CPXM2: variants seen among roughly 807,000 people sequenced by gnomAD.
CPXM2 encodes inactive carboxypeptidase-like protein X2.
A neutral mutation model predicts 86.1 loss-of-function variants in CPXM2; 66 were observed. The ratio of observed to expected loss-of-function variants is 0.77; its 90% CI spans 0.63 to 0.94. The LOEUF (loss-of-function observed/expected upper bound fraction) is 0.94, where lower values mean the gene tolerates loss of function less well. Among genes scored for constraint, CPXM2 ranks in the 40% least tolerant of loss-of-function variants. The pLI is 0.00. For missense variants in CPXM2, 948 were observed against 1,026.3 expected (o/e 0.92, Z 1.04); for synonymous variants, 388 against 400.2 (o/e 0.97, Z 0.36).
At chr10:123,843,358 C>T (rs752447187) in intron 3 of CPXM2, 1 of 432,470 alleles carries the variant, frequency 2.3e-6, no homozygotes, top group Admixed American at 2.7e-5. Flanking sequence ...CCTCGCCTCC[C>T]AAAAAGGACA....
chr10:123,941,878 CA>C (rs1945780821), upstream of CPXM2, among the ~76,000 whole-genome samples: 1 of 152,218 alleles, frequency 6.6e-6, no homozygotes, highest in Non-Finnish European at 1.5e-5. Flanking sequence ...TGGAAACAGG[CA>C]AACCCAGAAT....
rs114499123 is a variant in CPXM2, at chr10:123,761,111, G to A, written c.1777+761C>T. ...GTGCTTGTCCTGACATGTGGACCGC[G>A]GGGCCCTCTGGCTGCTGTAAGGGAA... On this transcript the variant is annotated intron_variant, in intron 11 of 13. Coordinates refer to ENST00000241305, the MANE Select transcript of CPXM2 (RefSeq NM_198148.3). Among the ~76,000 whole-genome samples the A allele has an allele frequency of 3.6e-3, 549 of 152,288 alleles. 5 individuals are homozygous for A. The highest frequency in any genetic ancestry group is 0.013 in the African/African-American group (522 of 41,560).
chr10:123,912,797 T>C (rs1945501833), intron 2 of CPXM2, among the ~76,000 whole-genome samples: 1 of 152,204 alleles, frequency 6.6e-6, no homozygotes, highest in East Asian at 1.9e-4. Context: ...ACAACCTCAG[T>C]CCAGGCAACC....
chr10:123,943,009 T>A (rs7916080), upstream of CPXM2, among the ~76,000 whole-genome samples: 1 of 152,048 alleles, frequency 6.6e-6, no homozygotes, highest in Non-Finnish European at 1.5e-5. Flanking sequence ...TGTACAGCTG[T>A]GTAACCTAGG....
rs539485595 is a variant in CPXM2, at chr10:123,863,749, G to A, written c.404-1026C>T. The stretch of plus-strand genomic sequence containing the variant: ...CCAGAAGCCCCACCCTGCCACTCTC[G>A]TGGTCTGGCACCTCCGCAGCTTGGC... On this transcript the variant is annotated intron_variant, in intron 2 of 13. Transcript: ENST00000241305. 9.3e-4 allele frequency among the ~76,000 whole-genome samples: 141 copies of A among 152,246 alleles called. 1 individual carries two copies. Among genetic ancestry groups the A allele is most frequent in the Admixed American group, 5.1e-3 (78 of 15,288 alleles).
chr10:123,877,014 G>A (rs1268033249), intron 2 of CPXM2, among the ~76,000 whole-genome samples: 1 of 152,174 alleles, frequency 6.6e-6, no homozygotes, highest in East Asian at 1.9e-4. Flanking sequence ...CACCAACTTT[G>A]ATGCTTGTCC....
rs1217405597 is a variant in CPXM2 at position 123,923,350 on chromosome 10, G to A, written n.174+16127C>T. On this transcript the variant is annotated intron_variant and non_coding_transcript_variant, in intron 2 of 19. Coordinates refer to the CPXM2 transcript ENST00000368854. ...AATCCCAGCACTTTGGGAGGCCGAG[G>A]CGGGCGGATCACGAGGTCAGGAGAT... Among the ~76,000 whole-genome samples, 95 of 151,988 alleles carry A rather than the reference G, an allele frequency of 6.3e-4. 2 individuals are homozygous for A. The highest frequency in any genetic ancestry group is 2.1e-4 in the Non-Finnish European group (14 of 67,970).
At chr10:123,794,219 G>A (rs1029017743) in intron 6 of CPXM2, among the ~76,000 whole-genome samples, 3 of 152,144 alleles carry the variant, frequency 2.0e-5, no homozygotes, top group African/African-American at 7.2e-5. Context: ...AAGAACCCTG[G>A]ACATCTCAGT....
At chr10:123,886,141 CA>C (rs1286824164) in intron 1 of CPXM2, among the ~76,000 whole-genome samples, 2 of 152,178 alleles carry the variant, frequency 1.3e-5, no homozygotes, top group Non-Finnish European at 2.9e-5. Context: ...TTTACCTGGA[CA>C]AAACACTTTG....
intron 2 of CPXM2, among the ~76,000 whole-genome samples, chr10:123,938,073 T>C (rs919090413): frequency 1.3e-5 from 2 of 151,880 alleles, no homozygotes; most frequent in Admixed American, 6.6e-5. Context: ...TTACAAGAGA[T>C]TTCTCTCCCT....
At position 123,799,247 on chromosome 10, in the gene CPXM2, G is replaced by C. The variant is rs747929715; in HGVS notation, c.654-48C>G. 1.8e-5 allele frequency: 29 copies of C among 1,606,908 alleles called. No homozygotes were observed. The East Asian group carries it at 4.2e-4, about 23-fold the overall frequency. On this transcript the variant is annotated intron_variant, in intron 4 of 13. Transcript: ENST00000241305. The stretch of plus-strand genomic sequence containing the variant: ...TAGGACTACACACTTTAAAATGTTT[G>C]TTCTTCCATGAAGAGGTTTAGAAGT...
At chr10:123,847,121 G>A (rs1270731340) in intron 3 of CPXM2, among the ~76,000 whole-genome samples, 1 of 152,194 alleles carries the variant, frequency 6.6e-6, no homozygotes, top group Admixed American at 6.5e-5. Context: ...TGGAAGAGAG[G>A]AAAGGGGTGA....
At chr10:123,815,227 C>G (rs1258084942) in intron 4 of CPXM2, among the ~76,000 whole-genome samples, 1 of 152,130 alleles carries the variant, frequency 6.6e-6, no homozygotes, top group Admixed American at 6.5e-5. Context: ...GATTCTATCT[C>G]CCAGCTTCAC....
At chr10:123,851,703 A>G (rs1848601247) in intron 3 of CPXM2, among the ~76,000 whole-genome samples, 1 of 147,344 alleles carries the variant, frequency 6.8e-6, no homozygotes, top group African/African-American at 2.5e-5. Context: ...CGGGAGATGG[A>G]GGTTGCAGTG....
intron 2 of CPXM2, among the ~76,000 whole-genome samples, chr10:123,906,063 T>C (rs1356233271): frequency 6.6e-6 from 1 of 152,074 alleles, no homozygotes; most frequent in African/African-American, 2.4e-5. Flanking sequence ...GCACCTTTGC[T>C]CTCACATCCC....
chr10:123,753,631 G>A (rs1846130109), intron 13 of CPXM2, among the ~76,000 whole-genome samples: 1 of 152,222 alleles, frequency 6.6e-6, no homozygotes, highest in South Asian at 2.1e-4. Flanking sequence ...ATCGTGTGGG[G>A]AACAGCTCCT....
At chr10:123,863,087 G>A (rs184617299) in intron 2 of CPXM2, among the ~76,000 whole-genome samples, 3 of 152,140 alleles carry the variant, frequency 2.0e-5, no homozygotes, top group East Asian at 3.9e-4. Context: ...CCTTTATATT[G>A]TGCATGCTAA....
chr10:123,786,835 C>T (rs1041229232), intron 6 of CPXM2, among the ~76,000 whole-genome samples: 5 of 152,188 alleles, frequency 3.3e-5, no homozygotes, highest in African/African-American at 1.2e-4. Context: ...TTCCCTTTTT[C>T]TTCAAATGTT....
At chr10:123,747,921 CAAA>C (rs59206856) in intron 13 of CPXM2, among the ~76,000 whole-genome samples, 2 of 72,030 alleles carry the variant, frequency 2.8e-5, no homozygotes, top group Non-Finnish European at 2.7e-5. Flanking sequence ...GACTCTGTCT[CAAA>C]AAAAAAAAAA....
Sources: allele counts gnomAD v4.1 joint callset (sites outside exome capture counted in the v4.1 genomes callset), GRCh38; gene constraint gnomAD v4.1.1; transcripts MANE v1.5; gene names NCBI Gene and HGNC (gene_info 2026-07-23, HGNC 2026-07-21).